The following PEAK1 variants were observed in gnomAD, a reference collection of about 807,000 sequenced individuals.
PEAK1 encodes inactive tyrosine-protein kinase PEAK1.
Under a neutral mutation model 124.7 loss-of-function variants are expected in PEAK1, and 54 were observed. The ratio of observed to expected loss-of-function variants is 0.43; its 90% CI spans 0.35 to 0.54. The LOEUF is 0.54. Among genes scored for constraint, PEAK1 ranks in the 20% least tolerant of loss-of-function variants. The pLI is 0.01. For missense variants in PEAK1, 2,046 were observed against 2,134.5 expected, an observed-to-expected ratio of 0.96 and a Z score of 0.82; for synonymous variants, 719 against 760.0, an observed-to-expected ratio of 0.95 and a Z score of 0.89.
In PEAK1 at chr15:77,277,220, C is replaced by T. The variant is rs1041762854; in HGVS notation, c.-275+6663G>A. 2.6e-5 allele frequency among the ~76,000 whole-genome samples: 4 copies of T among 152,126 alleles called. No homozygotes were observed. In the South Asian group the frequency reaches 6.2e-4, roughly 24 times the overall value. ...ATTATGCTGAGTAAAAAAAGCCAATCTCAAAGATTTTATACTACATGATTC... is the reference window on the plus strand; with the variant it reads ...ATTATGCTGAGTAAAAAAAGCCAATTTCAAAGATTTTATACTACATGATTC... On this transcript the variant is annotated intron_variant, in intron 5 of 9. Transcript: ENST00000682557.
At chr15:77,258,473 T>C (rs1018723753) in intron 5 of PEAK1, among the ~76,000 whole-genome samples, 1 of 152,202 alleles carries the variant, frequency 6.6e-6, no homozygotes, top group Non-Finnish European at 1.5e-5. Context: ...CTAGGTATTG[T>C]ATTCTCTTTG....
chr15:77,329,847 T>C (rs1017195256), intron 2 of PEAK1, among the ~76,000 whole-genome samples: 1 of 152,120 alleles, frequency 6.6e-6, no homozygotes, highest in East Asian at 1.9e-4. Flanking sequence ...AAAACAAGAA[T>C]GACAGGGAAA....
chr15:77,194,954 G>A (rs2058031461), intron 6 of PEAK1, among the ~76,000 whole-genome samples: 1 of 152,138 alleles, frequency 6.6e-6, no homozygotes, highest in South Asian at 2.1e-4. Flanking sequence ...CAGCAAGATA[G>A]CAAGAAAATA....
At chr15:77,340,210 T>C (rs1413035025) in intron 2 of PEAK1, among the ~76,000 whole-genome samples, 5 of 152,202 alleles carry the variant, frequency 3.3e-5, no homozygotes, top group African/African-American at 1.2e-4. Flanking sequence ...CTGTGAAAAC[T>C]TGGAAGCAAA....
At chr15:77,340,149 T>C (rs1317914579) in intron 2 of PEAK1, among the ~76,000 whole-genome samples, 1 of 152,216 alleles carries the variant, frequency 6.6e-6, no homozygotes, top group African/African-American at 2.4e-5. Flanking sequence ...TGAGAACCAA[T>C]GTCCACACAA....
At chr15:77,352,521 T>TA in intron 2 of PEAK1, 4 of 981,408 alleles carry the variant, frequency 4.1e-6, no homozygotes, top group Non-Finnish European at 4.8e-6. Flanking sequence ...AATTTAAAAA[T>TA]ACATACATTT....
chr15:77,114,384 G>C lies in PEAK1; in HGVS notation c.5013C>G (p.Arg1671=). ...GILQCLLWGP[R]EDLFQTFTAC... is the part of the protein sequence containing the mutation. ...CGGTGAAAGTCTGGAAGAGATCTTC[G>C]CGGGGGCCCCAGAGCAGACACTGGA... The change falls in exon 10 of 10, where the codon CGC becomes CGG. Residue 1671 remains arginine (R), a synonymous_variant. Transcript: ENST00000682557. 4 of 1,614,170 alleles carry C rather than the reference G, an allele frequency of 2.5e-6. No homozygotes were observed. Among genetic ancestry groups the C allele is most frequent in the Non-Finnish European group, 3.4e-6 (4 of 1,180,024 alleles).
intron 6 of PEAK1, among the ~76,000 whole-genome samples, chr15:77,190,857 G>GT (rs2057798403): frequency 6.6e-6 from 1 of 152,174 alleles, no homozygotes; most frequent in Non-Finnish European, 1.5e-5. Context: ...TACCCACACA[G>GT]TAAGCAGCAA....
At position 77,357,756 on chromosome 15, in the gene PEAK1, ACTAT is replaced by A. The variant is rs1195185709; in HGVS notation, c.-603+7403_-603+7406del. On this transcript the variant is annotated intron_variant, in intron 2 of 9. Transcript: ENST00000682557. ...GAAAGATTTAATTTTGTACATTTGC[ACTAT>A]CTATGAATCATTTTATACTATCTAA... is the stretch of plus-strand genomic sequence containing the variant. Among the ~76,000 whole-genome samples the A allele has an allele frequency of 3.9e-5, 6 of 152,246 alleles. No individual in the cohort carries two copies. The East Asian group carries it at 9.6e-4, about 24-fold the overall frequency.
chr15:77,202,598 C>T (rs773674836), intron 6 of PEAK1, among the ~76,000 whole-genome samples: 12 of 151,190 alleles, frequency 7.9e-5, no homozygotes, highest in Non-Finnish European at 1.6e-4. Flanking sequence ...AACCCCGTCT[C>T]TACTAAAAAA....
chr15:77,407,972 T>C (rs1201586553), intron 1 of PEAK1, among the ~76,000 whole-genome samples: 141 of 130,514 alleles, frequency 1.1e-3, no homozygotes, highest in African/African-American at 3.5e-3. Context: ...TACACATATA[T>C]ACACACATAT....
intron 8 of PEAK1, among the ~76,000 whole-genome samples, chr15:77,140,776 C>T (rs1294198683): frequency 2.0e-5 from 3 of 151,480 alleles, no homozygotes; most frequent in Non-Finnish European, 4.4e-5. Flanking sequence ...CCTTTGTCAC[C>T]CAGGCTGGAG....
At position 77,240,271 on chromosome 15, in the gene PEAK1, T is replaced by C. The variant is rs147734000; in HGVS notation, c.-115+12096A>G. Among the ~76,000 whole-genome samples, 752 of 152,336 alleles carry C rather than the reference T, an allele frequency of 4.9e-3. 13 individuals carry two copies. The highest frequency in any genetic ancestry group is 0.017 in the African/African-American group (716 of 41,578). ...TTTAATTCATTTCCAAATACAACTA[T>C]AATACTTCACTATTTCAACATTAGA... On this transcript the variant is annotated intron_variant, in intron 6 of 9. Transcript: ENST00000682557.
chr15:77,229,935 C>A, intron 6 of PEAK1, among the ~76,000 whole-genome samples: 1 of 152,188 alleles, frequency 6.6e-6, no homozygotes, highest in South Asian at 2.1e-4. Context: ...GTGTGAGCCA[C>A]GACACCTGGA....
chr15:77,192,515 T>C (rs2057885218), intron 6 of PEAK1, among the ~76,000 whole-genome samples: 1 of 152,156 alleles, frequency 6.6e-6, no homozygotes, highest in Non-Finnish European at 1.5e-5. Flanking sequence ...TATCCCCCAA[T>C]AAAAATATGC....
At chr15:77,402,450 A>G (rs889790399) in intron 1 of PEAK1, 1 of 984,888 alleles carries the variant, frequency 1.0e-6, no homozygotes, top group Non-Finnish European at 1.2e-6. Context: ...GTCACTGCAT[A>G]TCTTTTAGTA....
intron 2 of PEAK1, among the ~76,000 whole-genome samples, chr15:77,354,403 T>C (rs2067381629): frequency 6.6e-6 from 1 of 152,230 alleles, no homozygotes; most frequent in South Asian, 2.1e-4. Flanking sequence ...ATCTCCTATC[T>C]GGACTATATA....
intron 2 of PEAK1, chr15:77,333,075 T>C (rs757764470): frequency 2.8e-4 from 274 of 983,442 alleles, no homozygotes; most frequent in Non-Finnish European, 3.1e-4. Context: ...TATTCCTTCA[T>C]ATTTGACATT....
At chr15:77,116,275 C>G (rs1357559427) in intron 9 of PEAK1, among the ~76,000 whole-genome samples, 1 of 152,134 alleles carries the variant, frequency 6.6e-6, no homozygotes, top group Non-Finnish European at 1.5e-5. Flanking sequence ...TCATAATAGT[C>G]TGGTCTGGAG....
Sources: gnomAD v4.1 joint callset for allele counts (sites outside exome capture counted in the v4.1 genomes callset) on GRCh38, gnomAD v4.1.1 for gene constraint, MANE v1.5 for transcripts, NCBI Gene and HGNC (gene_info 2026-07-23, HGNC 2026-07-21) for gene names.